DRD2: variants seen among roughly 807,000 people sequenced by gnomAD.
DRD2 encodes dopamine receptor D2.
In DRD2, 8 loss-of-function variants were observed where a neutral mutation model predicts 38.0. The ratio of observed to expected loss-of-function variants is 0.21; its 90% CI spans 0.12 to 0.38. The LOEUF (loss-of-function observed/expected upper bound fraction) is 0.38. Ranked by LOEUF, DRD2 falls within the 10% of genes least tolerant of loss-of-function variation. The pLI, the probability that DRD2 is intolerant of heterozygous loss-of-function variation, is 1.00. For missense variants in DRD2, 403 were observed against 607.7 expected (o/e 0.66, Z 3.54); for synonymous variants, 230 against 238.6 (o/e 0.96, Z 0.33).
chr11:113,472,353 C>T (rs554175301), intron 1 of DRD2, among the ~76,000 whole-genome samples: 5 of 152,296 alleles, frequency 3.3e-5, no homozygotes, highest in Middle Eastern at 6.8e-3. Context: ...CAGACCAGTC[C>T]GGCTTCAGCA....
intron 1 of DRD2, among the ~76,000 whole-genome samples, chr11:113,437,924 G>A (rs1292308175): frequency 6.6e-6 from 1 of 152,194 alleles, no homozygotes; most frequent in Non-Finnish European, 1.5e-5. Flanking sequence ...GAAGAGAGCA[G>A]AGAGGCAGTC....
At chr11:113,434,758 C>T (rs1217362275) in intron 1 of DRD2, among the ~76,000 whole-genome samples, 1 of 151,952 alleles carries the variant, frequency 6.6e-6, no homozygotes, top group Non-Finnish European at 1.5e-5. Flanking sequence ...AGGGAAGTCA[C>T]AGCAGGCCAA....
intron 4 of DRD2, 105 bp from the exon 5 acceptor site, chr11:113,415,716 G>A: frequency 1.5e-6 from 2 of 1,317,736 alleles, no homozygotes. Context: ...CGATTTTACA[G>A]AGAATATGAA....
chr11:113,427,357 C>T (rs1950949657), intron 1 of DRD2, among the ~76,000 whole-genome samples: 1 of 152,130 alleles, frequency 6.6e-6, no homozygotes, highest in African/African-American at 2.4e-5. Flanking sequence ...CCCATATCCT[C>T]CTGCCTGAGC....
At chr11:113,414,319 T>A (rs1207784285) in intron 6 of DRD2, 56 bp downstream of exon 6, 1 of 1,542,252 alleles carries the variant, frequency 6.5e-7, no homozygotes, top group South Asian at 1.1e-5. Context: ...CCATGGCCAG[T>A]GGGCTTCCCT....
Position 113,419,718 on chromosome 11 carries a change from G to A in DRD2, c.286-1582C>T, listed in dbSNP as rs185395465. 5.5e-4 allele frequency among the ~76,000 whole-genome samples: 84 copies of A among 152,268 alleles called. 1 individual carries two copies. In the East Asian group the frequency reaches 0.015, roughly 27 times the overall value. ...GGAGTAGGGCAGACTTCGTGTCACCGTGTAGCTTGGCAGCAGGGCTAATTA... is the reference window on the plus strand; with the variant it reads ...GGAGTAGGGCAGACTTCGTGTCACCATGTAGCTTGGCAGCAGGGCTAATTA... On this transcript the variant is annotated intron_variant, in intron 2 of 7. Coordinates refer to ENST00000362072, the MANE Select transcript of DRD2 (RefSeq NM_000795.4).
intron 1 of DRD2, among the ~76,000 whole-genome samples, chr11:113,462,690 C>A (rs1951334716): frequency 6.6e-6 from 1 of 152,228 alleles, no homozygotes; most frequent in African/African-American, 2.4e-5. Context: ...CCCACCTTCC[C>A]TCTCCCTCTG....
At chr11:113,464,919 T>C (rs935367969) in intron 1 of DRD2, among the ~76,000 whole-genome samples, 2 of 152,194 alleles carry the variant, frequency 1.3e-5, no homozygotes, top group Non-Finnish European at 2.9e-5. Flanking sequence ...TCATCCTCCA[T>C]AGCCCATCAA....
chr11:113,460,448 T>C (rs556589464), intron 1 of DRD2, among the ~76,000 whole-genome samples: 28 of 152,368 alleles, frequency 1.8e-4, no homozygotes, highest in South Asian at 6.2e-4. Flanking sequence ...ACACTCGAGC[T>C]GCCAGCCTCC....
intron 5 of DRD2, among the ~76,000 whole-genome samples, chr11:113,415,038 A>G (rs1447013021): frequency 1.3e-5 from 2 of 152,136 alleles, no homozygotes; most frequent in African/African-American, 4.8e-5. Flanking sequence ...TTTGGAGGGG[A>G]GGACAGAGAG....
intron 1 of DRD2, among the ~76,000 whole-genome samples, chr11:113,436,125 G>C (rs1951033551): frequency 6.6e-6 from 1 of 152,158 alleles, no homozygotes; most frequent in Admixed American, 6.5e-5. Context: ...AAGGCGATGG[G>C]AGGCCTTCTT....
rs1950751504 is a variant in DRD2 at position 113,410,038 on chromosome 11, G to A, written c.*689C>T. The A allele has an allele frequency of 6.4e-6, 1 of 155,310 alleles. No homozygotes were observed. Among genetic ancestry groups the A allele is most frequent in the Non-Finnish European group, 1.4e-5 (1 of 70,084 alleles). The allele number at this position is 155,310 out of a possible 1,614,324, so 9.6% of individuals were successfully genotyped here. On this transcript the variant is annotated 3_prime_UTR_variant, in exon 8 of 8. Coordinates refer to ENST00000362072, the MANE Select transcript of DRD2 (RefSeq NM_000795.4). ...AGGCCAAGGAGTTCCTCTCCCCATA[G>A]ACCCTCCTGGGCCCTTCAAGATGAG... is the stretch of plus-strand genomic sequence containing the variant.
rs532592487 is a variant in DRD2 at position 113,431,654 on chromosome 11, C to T, written c.-31-6972G>A. Among the ~76,000 whole-genome samples the T allele has an allele frequency of 3.9e-5, 6 of 152,324 alleles. No homozygotes were observed. In the East Asian group the frequency reaches 1.2e-3, roughly 29 times the overall value. ...TAACTCCAGCCTTCTATAATAGTGG[C>T]TCTCTTCAGAAGCTTCAGAGTGGAA... On this transcript the variant is annotated intron_variant, in intron 1 of 7. Transcript: ENST00000362072.
At chr11:113,472,516 A>G (rs1223175290) in intron 1 of DRD2, among the ~76,000 whole-genome samples, 2 of 152,226 alleles carry the variant, frequency 1.3e-5, no homozygotes, top group Admixed American at 6.5e-5. Flanking sequence ...GACAGAAATA[A>G]TCCACCTTTG....
chr11:113,435,330 T>TGGGG (rs57125489), intron 1 of DRD2, among the ~76,000 whole-genome samples: 1 of 127,092 alleles, frequency 7.9e-6, no homozygotes, highest in African/African-American at 2.9e-5. Context: ...TGACTCAGTG[T>TGGGG]GGGGGGGGGT....
At chr11:113,472,119 C>T (rs916305906) in intron 1 of DRD2, among the ~76,000 whole-genome samples, 3 of 152,250 alleles carry the variant, frequency 2.0e-5, no homozygotes, top group Non-Finnish European at 4.4e-5. Context: ...AAGGAAGTCT[C>T]ATCATATCTG....
At chr11:113,415,088 A>T (rs1950812698) in intron 5 of DRD2, among the ~76,000 whole-genome samples, 1 of 152,132 alleles carries the variant, frequency 6.6e-6, no homozygotes, top group East Asian at 1.9e-4. Context: ...AGTCAGAGGG[A>T]GCTAAAGTGA....
At chr11:113,429,543 C>T (rs1461533360) in intron 1 of DRD2, among the ~76,000 whole-genome samples, 1 of 152,110 alleles carries the variant, frequency 6.6e-6, no homozygotes, top group African/African-American at 2.4e-5. Flanking sequence ...CCGCACCCGG[C>T]CAGTACAGGG....
intron 1 of DRD2, among the ~76,000 whole-genome samples, chr11:113,448,432 T>C (rs1003108640): frequency 1.3e-5 from 2 of 152,200 alleles, no homozygotes; most frequent in African/African-American, 2.4e-5. Context: ...CAGAGACTCC[T>C]GGCTCCCTGT....
Sources: allele counts gnomAD v4.1 joint callset (sites outside exome capture counted in the v4.1 genomes callset), GRCh38; gene constraint gnomAD v4.1.1; transcripts MANE v1.5; gene names NCBI Gene and HGNC (gene_info 2026-07-23, HGNC 2026-07-21).